Variants in C2CD3 observed in about 807,000 individuals in gnomAD.
C2CD3 encodes C2 domain containing 3 centriole elongation regulator.
In C2CD3, 148 loss-of-function variants were observed where a neutral mutation model predicts 234.0. That is an observed-to-expected ratio of 0.63 (90% CI 0.55 to 0.72). The LOEUF is 0.72. Among genes scored for constraint, C2CD3 ranks in the 30% least tolerant of loss-of-function variants. The pLI is 0.00. For missense variants in C2CD3, 2,577 were observed against 2,811.5 expected (o/e 0.92, Z 1.89); for synonymous variants, 1,000 against 1,035.4 (o/e 0.97, Z 0.66).
At chr11:74,051,571 T>A (rs75681874) in intron 26 of C2CD3, among the ~76,000 whole-genome samples, 3,267 of 152,288 alleles carry the variant, frequency 0.021, 67 homozygotes, top group African/African-American at 0.046. Flanking sequence ...GCAGTTAATA[T>A]TCTAGTCAAC....
At position 74,048,290 on chromosome 11, in the gene C2CD3, CA is replaced by C; in HGVS notation, c.5409del (p.Ala1804HisfsTer11). On this transcript the variant is annotated frameshift_variant, in exon 28 of 33. Transcript: ENST00000334126. LOFTEE classifies it high-confidence loss of function. Reference protein sequence around the residue: ...PFSFPASDTYAAFSSHMARQT... With the variant: ...PFSFPASDTYXAFSSHMARQT... ...TGCCTTGCCATGTGGCTGGAGAATG[CA>C]GCATACGTATCAGAGGCAGGGAAGG... 6.2e-7 allele frequency: 1 copy of C among 1,613,630 alleles called. No individual in the cohort carries two copies. Among genetic ancestry groups the C allele is most frequent in the Non-Finnish European group, 8.5e-7 (1 of 1,179,744 alleles).
chr11:74,081,604 TTCA>T (rs60381365), intron 22 of C2CD3, among the ~76,000 whole-genome samples: 79,700 of 151,408 alleles, frequency 0.53, 21,052 homozygotes, highest in African/African-American at 0.6. Flanking sequence ...TGCCATATTC[TTCA>T]TCATCATCAT....
At position 74,013,375 on chromosome 11, in the gene C2CD3, T is replaced by C; in HGVS notation, c.*10A>G. 1 of 936,768 alleles carries C rather than the reference T, an allele frequency of 1.1e-6. No individual in the cohort carries two copies. The highest frequency in any genetic ancestry group is 2.3e-4 in the Middle Eastern group (1 of 4,384). The allele number at this position is 936,768 out of a possible 1,614,324, so 58.0% of individuals were successfully genotyped here. Reference sequence around the variant, plus strand: ...CAGGTGTCTCCTTCCCCCCAGCCCCTCAGGCTGCGTCAGTCTTTCTGGGAG... The same window carrying C: ...CAGGTGTCTCCTTCCCCCCAGCCCCCCAGGCTGCGTCAGTCTTTCTGGGAG... On this transcript the variant is annotated 3_prime_UTR_variant, in exon 33 of 33. Transcript: ENST00000334126.
chr11:74,128,558 ATT>A (rs1565325905), intron 7 of C2CD3: 1 of 151,976 alleles, frequency 6.6e-6, no homozygotes, highest in Non-Finnish European at 1.5e-5. Flanking sequence ...TTATTTATTT[ATT>A]TTTTATTGAT....
rs113850192 is a variant in C2CD3 at position 74,049,343 on chromosome 11, T to C, written c.5355A>G (p.Lys1785=). 6.2e-7 allele frequency: 1 copy of C among 1,613,602 alleles called. No homozygotes were observed. The highest frequency in any genetic ancestry group is 8.5e-7 in the Non-Finnish European group (1 of 1,179,536). The part of the protein sequence containing the change: ...RQARRGVETS[K]SLIPIYSPFS... ...TGTGAATCTCCATACATACCAGTGATTTTGAGGTCTCCACTCCACGCCTTG... is the reference window on the plus strand; with the variant it reads ...TGTGAATCTCCATACATACCAGTGACTTTGAGGTCTCCACTCCACGCCTTG... The change falls in exon 27 of 33, where the codon AAA becomes AAG. Residue 1785 remains lysine (K), a synonymous_variant. Transcript: ENST00000334126.
At chr11:74,127,164 C>T (rs1324513891) in intron 7 of C2CD3, among the ~76,000 whole-genome samples, 1 of 152,208 alleles carries the variant, frequency 6.6e-6, no homozygotes, top group Non-Finnish European at 1.5e-5. Flanking sequence ...TACGCCACCA[C>T]ACCAGGCTAA....
At chr11:74,099,925 AAG>A (rs1956251756) in intron 15 of C2CD3, among the ~76,000 whole-genome samples, 1 of 152,156 alleles carries the variant, frequency 6.6e-6, no homozygotes, top group African/African-American at 2.4e-5. Flanking sequence ...AACAACAAAA[AAG>A]AAACAGTTTG....
intron 16 of C2CD3, among the ~76,000 whole-genome samples, chr11:74,097,026 G>C (rs1300725416): frequency 6.6e-6 from 1 of 151,846 alleles, no homozygotes; most frequent in African/African-American, 2.4e-5. Context: ...GTGGGTGCCT[G>C]TAATCCCAGC....
chr11:74,074,210 C>G (rs1954925652), intron 24 of C2CD3, 43 bp downstream of exon 24: 1 of 1,371,070 alleles, frequency 7.3e-7, no homozygotes, highest in South Asian at 1.3e-5. Context: ...GGAGCACACC[C>G]TGAAGAGTTA....
In C2CD3 at chr11:74,085,728, A is replaced by C; in HGVS notation, c.3800T>G (p.Phe1267Cys). The C allele has an allele frequency of 6.2e-7, 1 of 1,614,166 alleles. No homozygotes were observed. Among genetic ancestry groups the C allele is most frequent in the South Asian group, 1.1e-5 (1 of 91,078 alleles). Residue 1267 changes from phenylalanine to cysteine, a missense_variant, in exon 21 of 33, where the codon TTC becomes TGC. Transcript: ENST00000334126. ...GTGCTGAGTCACCAAGTTACATGTGAACTCAACGTGATGGGAGAACTCAGG... is the reference window on the plus strand; with the variant it reads ...GTGCTGAGTCACCAAGTTACATGTGCACTCAACGTGATGGGAGAACTCAGG... ...FCPEFSHHVEFTCNLVTQHCS... is the reference protein window; with the variant it reads ...FCPEFSHHVECTCNLVTQHCS...
At chr11:74,168,079 C>T in intron 2 of C2CD3, 1 of 351,914 alleles carries the variant, frequency 2.8e-6, no homozygotes, top group Non-Finnish European at 5.2e-6. Flanking sequence ...TTCATCTCTC[C>T]AACTTGTTTA....
intron 8 of C2CD3, among the ~76,000 whole-genome samples, chr11:74,120,274 C>T (rs1444586435): frequency 6.6e-6 from 1 of 152,072 alleles, no homozygotes; most frequent in Admixed American, 6.6e-5. Flanking sequence ...CTATCCTTCC[C>T]CCAGCCCCCA....
chr11:74,116,908 A>ATG (rs199682181), intron 9 of C2CD3, among the ~76,000 whole-genome samples: 19,306 of 119,786 alleles, frequency 0.16, 2,026 homozygotes, highest in East Asian at 0.3. Context: ...ACACACGTGT[A>ATG]TGTATATATA....
Position 74,118,236 on chromosome 11 carries a change from C to T in C2CD3, c.1512G>A (p.Lys504=). Residue 504 remains lysine (K), a synonymous_variant, in exon 9 of 33, where the codon AAG becomes AAA. Transcript: ENST00000334126. ...DHKLKKRSAG[K]RNRNLVEQQM... is the part of the protein sequence containing the mutation. The stretch of plus-strand genomic sequence containing the variant: ...CAGTCAGAGCAGCTCACCTATTTCT[C>T]TTGCCTGCTGACCTCTTCTTCAGCT... 1 of 1,613,026 alleles carries T rather than the reference C, an allele frequency of 6.2e-7. No individual in the cohort carries two copies. Among genetic ancestry groups the T allele is most frequent in the Non-Finnish European group, 8.5e-7 (1 of 1,179,536 alleles).
At position 74,099,856 on chromosome 11, in the gene C2CD3, ACTGCACTCCAGCCT is replaced by A. The variant is rs1438112693; in HGVS notation, c.2732+655_2732+668del. On this transcript the variant is annotated intron_variant, in intron 15 of 32. Transcript: ENST00000334126. ...GCTTGCAGTGAGCCGAGATCGTGCC[ACTGCACTCCAGCCT>A]GGGCAACAGAGTGAGACTCCGTCTC... 3.3e-5 allele frequency among the ~76,000 whole-genome samples: 5 copies of A among 151,472 alleles called. No individual in the cohort carries two copies. In the East Asian group the frequency reaches 5.8e-4, roughly 18 times the overall value.
chr11:74,074,690 T>C, intron 23 of C2CD3, 90 bp from the exon 24 acceptor site: 2 of 1,074,060 alleles, frequency 1.9e-6, no homozygotes, highest in Admixed American at 2.6e-5. Flanking sequence ...TGTGGTCCTT[T>C]CTCCTTTGAA....
At position 74,057,620 on chromosome 11, in the gene C2CD3, C is replaced by G. The variant is rs1954017313; in HGVS notation, c.4952-76G>C. 3 of 1,453,456 alleles carry G rather than the reference C, an allele frequency of 2.1e-6. No homozygotes were observed. In the African/African-American group the frequency reaches 4.2e-5, roughly 20 times the overall value. 90.0% of individuals were successfully genotyped at this position (1,453,456 alleles called of 1,614,324 possible). On this transcript the variant is annotated intron_variant, in intron 24 of 32. Coordinates refer to ENST00000334126, the MANE Select transcript of C2CD3 (RefSeq NM_001286577.2). ...TCAGATTATACAGGCACAAGCAGGA[C>G]TATTCCTGGCCCTCTTCTTCCTATG...
At chr11:74,097,963 A>T (rs763176519) in intron 16 of C2CD3, 46 bp downstream of exon 16, 1 of 1,577,510 alleles carries the variant, frequency 6.3e-7, no homozygotes, top group African/African-American at 1.4e-5. Flanking sequence ...AAAATATGCA[A>T]GAGAAAATGA....
rs759686813 is a variant in C2CD3, at chr11:74,103,402, G to A, written c.2309C>T (p.Ser770Leu). Residue 770 changes from serine to leucine, a missense_variant, in exon 14 of 33, where the codon TCA (serine) becomes TTA (leucine). Coordinates refer to ENST00000334126, the MANE Select transcript of C2CD3 (RefSeq NM_001286577.2). The stretch of plus-strand genomic sequence containing the variant: ...AGGATGTGGTGCTACAGGGCTTGGT[G>A]ACTTTCGGTTGGGGAGCACCAAGTT... ...AQNLVLPNRK[S>L]PSPVAPHPST... is the part of the protein sequence containing the mutation. 3 of 1,614,188 alleles carry A rather than the reference G, an allele frequency of 1.9e-6. No homozygotes were observed. Among genetic ancestry groups the A allele is most frequent in the Non-Finnish European group, 2.5e-6 (3 of 1,180,038 alleles).
Sources: allele counts gnomAD v4.1 joint callset (sites outside exome capture counted in the v4.1 genomes callset), GRCh38; gene constraint gnomAD v4.1.1; transcripts MANE v1.5; gene names NCBI Gene and HGNC (gene_info 2026-07-23, HGNC 2026-07-21).